The following CLSTN2 variants were observed in gnomAD, a reference collection of about 807,000 sequenced individuals.
CLSTN2 encodes calsyntenin-2.
A neutral mutation model predicts 101.2 loss-of-function variants in CLSTN2; 48 were observed. That is an observed-to-expected ratio of 0.47 (90% confidence interval 0.38 to 0.60). The LOEUF (loss-of-function observed/expected upper bound fraction) is 0.60. Ranked by LOEUF, CLSTN2 falls within the 20% of genes least tolerant of loss-of-function variation. The pLI, the probability that CLSTN2 is intolerant of heterozygous loss-of-function variation, is 0.00. For synonymous variants in CLSTN2, 481 were observed against 463.6 expected (o/e 1.04, Z -0.48); for missense variants, 1,160 against 1,238.2 (o/e 0.94, Z 0.95).
chr3:140,379,267 T>A (rs1012368307), intron 2 of CLSTN2, among the ~76,000 whole-genome samples: 1 of 152,138 alleles, frequency 6.6e-6, no homozygotes, highest in African/African-American at 2.4e-5. Context: ...GGTGCCAGCA[T>A]GACCAAGAAA....
chr3:140,410,758 T>C (rs961298510), intron 4 of CLSTN2, among the ~76,000 whole-genome samples: 2 of 152,198 alleles, frequency 1.3e-5, no homozygotes, highest in Non-Finnish European at 2.9e-5. Context: ...GACTTGTTAA[T>C]GTATGTACAA....
In CLSTN2 at chr3:140,247,847, A is replaced by G. The variant is rs78068616; in HGVS notation, c.232+71774A>G. Among the ~76,000 whole-genome samples the G allele has an allele frequency of 4.1e-3, 621 of 152,240 alleles. 1 individual carries two copies. The highest frequency in any genetic ancestry group is 0.014 in the African/African-American group (572 of 41,534). On this transcript the variant is annotated intron_variant, in intron 2 of 16. Transcript: ENST00000458420. The stretch of plus-strand genomic sequence containing the variant: ...CCCTCATTCCTCACCCCAGTTAATA[A>G]ATACCTTCACAGGTAAAGACTTTCC...
intron 5 of CLSTN2, among the ~76,000 whole-genome samples, chr3:140,424,197 A>C (rs532089098): frequency 6.6e-6 from 1 of 152,220 alleles, no homozygotes; most frequent in South Asian, 2.1e-4. Flanking sequence ...AATGACTGAG[A>C]ACAGGTACAA....
At chr3:140,153,552 C>T in intron 1 of CLSTN2, among the ~76,000 whole-genome samples, 1 of 152,232 alleles carries the variant, frequency 6.6e-6, no homozygotes, top group East Asian at 1.9e-4. Context: ...ATGTTGTAGA[C>T]AGTGGGGGAC....
chr3:139,970,321 G>T (rs11719471), intron 1 of CLSTN2, among the ~76,000 whole-genome samples: 42,421 of 152,024 alleles, frequency 0.28, 6,069 homozygotes, highest in African/African-American at 0.33. Flanking sequence ...AAGCATCTGG[G>T]GGGGGATGCT....
chr3:140,486,263 G>T (rs191038948), intron 8 of CLSTN2, among the ~76,000 whole-genome samples: 170 of 124,236 alleles, frequency 1.4e-3, no homozygotes, highest in African/African-American at 5.8e-3. Flanking sequence ...ATGAAAAACA[G>T]ATTCATAGGA....
chr3:140,170,091 G>T (rs566500797), intron 1 of CLSTN2, among the ~76,000 whole-genome samples: 199 of 152,230 alleles, frequency 1.3e-3, no homozygotes, highest in Non-Finnish European at 2.4e-3. Context: ...TACAAGGGAG[G>T]CTGCTTCCAA....
At chr3:139,979,145 G>A (rs750079750) in intron 1 of CLSTN2, among the ~76,000 whole-genome samples, 9 of 152,142 alleles carry the variant, frequency 5.9e-5, no homozygotes, top group African/African-American at 9.7e-5. Context: ...TTACACACTG[G>A]TGCCTCTGAT....
chr3:140,140,742 G>A (rs1229285098), intron 1 of CLSTN2, among the ~76,000 whole-genome samples: 1 of 152,144 alleles, frequency 6.6e-6, no homozygotes, highest in Non-Finnish European at 1.5e-5. Flanking sequence ...AACTTGATGA[G>A]GGACACACCT....
chr3:140,181,110 C>T (rs1444171835), intron 2 of CLSTN2, among the ~76,000 whole-genome samples: 1 of 152,218 alleles, frequency 6.6e-6, no homozygotes, highest in East Asian at 1.9e-4. Flanking sequence ...CCCAAACTCA[C>T]ATAGGCTCTG....
At chr3:140,210,540 T>A (rs2010842244) in intron 2 of CLSTN2, among the ~76,000 whole-genome samples, 1 of 152,204 alleles carries the variant, frequency 6.6e-6, no homozygotes, top group South Asian at 2.1e-4. Context: ...GAGCAATTTT[T>A]GGTTTTCTCG....
chr3:140,491,382 T>A (rs189597844), intron 8 of CLSTN2, among the ~76,000 whole-genome samples: 5 of 152,336 alleles, frequency 3.3e-5, no homozygotes, highest in Admixed American at 2.6e-4. Flanking sequence ...GGGATATTGA[T>A]ATACCAGCAA....
intron 1 of CLSTN2, among the ~76,000 whole-genome samples, chr3:140,107,257 G>T (rs2009076132): frequency 6.6e-6 from 1 of 152,090 alleles, no homozygotes; most frequent in African/African-American, 2.4e-5. Context: ...CCTGTCCTTT[G>T]CGGTCTTTAA....
intron 1 of CLSTN2, among the ~76,000 whole-genome samples, chr3:140,026,438 C>A (rs2007421202): frequency 6.6e-6 from 1 of 152,164 alleles, no homozygotes; most frequent in Admixed American, 6.5e-5. Context: ...GCTCAGGAAG[C>A]AGGAAAAAAA....
At chr3:140,392,097 A>G (rs2088120616) in intron 2 of CLSTN2, among the ~76,000 whole-genome samples, 1 of 151,848 alleles carries the variant, frequency 6.6e-6, no homozygotes, top group Admixed American at 6.6e-5. Context: ...TTTGCTTTAC[A>G]TTTATTTCTA....
intron 8 of CLSTN2, among the ~76,000 whole-genome samples, chr3:140,468,328 A>G (rs1213744521): frequency 6.6e-6 from 1 of 152,216 alleles, no homozygotes; most frequent in Non-Finnish European, 1.5e-5. Context: ...ATAATTATAG[A>G]TATCCTGAGG....
chr3:140,423,330 G>C (rs347323), intron 5 of CLSTN2, among the ~76,000 whole-genome samples: 89,242 of 152,094 alleles, frequency 0.59, 28,682 homozygotes, highest in African/African-American at 0.87. Flanking sequence ...GTGCCCATCT[G>C]CTATTATGTC....
At chr3:140,269,304 G>A (rs371793367) in intron 2 of CLSTN2, among the ~76,000 whole-genome samples, 5 of 152,248 alleles carry the variant, frequency 3.3e-5, no homozygotes, top group African/African-American at 9.6e-5. Flanking sequence ...TAGCTTTATT[G>A]GAAAACATTA....
At chr3:140,546,344 C>T (rs192191691) in intron 9 of CLSTN2, among the ~76,000 whole-genome samples, 171 bp from the exon 10 acceptor site, 5 of 152,334 alleles carry the variant, frequency 3.3e-5, no homozygotes, top group South Asian at 4.1e-4. Context: ...GTATTAGCAG[C>T]GTATAACTTC....
Sources: allele counts gnomAD v4.1 joint callset (sites outside exome capture counted in the v4.1 genomes callset), GRCh38; gene constraint gnomAD v4.1.1; transcripts MANE v1.5; gene names NCBI Gene and HGNC (gene_info 2026-07-23, HGNC 2026-07-21).